SCLT1: variants seen among roughly 807,000 people sequenced by gnomAD.
The protein encoded by SCLT1 is sodium channel-associated protein 1.
SCLT1 carries 78 observed loss-of-function variants against 112.8 expected under a neutral mutation model. The ratio of observed to expected loss-of-function variants is 0.69; its 90% confidence interval spans 0.58 to 0.83. The LOEUF is 0.83. Ranked by LOEUF, SCLT1 falls within the 40% of genes least tolerant of loss-of-function variation. The probability of loss-of-function intolerance (pLI) is 0.00; values close to 1 mark genes in which losing one functional copy is unlikely to be tolerated. For missense variants in SCLT1, 747 were observed against 770.4 expected (o/e 0.97, Z 0.36); for synonymous variants, 257 against 254.7 (o/e 1.01, Z -0.09).
At chr4:128,938,160 A>T (rs1737368812) in intron 17 of SCLT1, among the ~76,000 whole-genome samples, 1 of 152,214 alleles carries the variant, frequency 6.6e-6, no homozygotes, top group African/African-American at 2.4e-5. Context: ...ACTTCTAGTA[A>T]TTCATTAAAT....
chr4:129,055,622 C>T (rs1181731528), intron 2 of SCLT1, among the ~76,000 whole-genome samples: 6 of 152,096 alleles, frequency 3.9e-5, no homozygotes, highest in African/African-American at 1.4e-4. Context: ...TGCCCCTCCC[C>T]CAACCAAGCT....
chr4:129,049,065 A>G (rs1440911955), intron 2 of SCLT1, among the ~76,000 whole-genome samples: 2 of 151,998 alleles, frequency 1.3e-5, no homozygotes, highest in Admixed American at 1.3e-4. Flanking sequence ...TGTGGAAGTC[A>G]GTGTGGCGAT....
chr4:129,006,766 G>A (rs1194000073), intron 5 of SCLT1, among the ~76,000 whole-genome samples: 1 of 151,990 alleles, frequency 6.6e-6, no homozygotes, highest in Non-Finnish European at 1.5e-5. Flanking sequence ...GTCTCTCACC[G>A]AGTGTGCTCT....
At chr4:129,027,984 T>G (rs1297613289) in intron 5 of SCLT1, among the ~76,000 whole-genome samples, 1 of 152,086 alleles carries the variant, frequency 6.6e-6, no homozygotes, top group East Asian at 1.9e-4. Context: ...GGGAAGGACC[T>G]CTTCAAGGAG....
chr4:128,960,488 T>G (rs1268297975), intron 11 of SCLT1, among the ~76,000 whole-genome samples: 1 of 152,188 alleles, frequency 6.6e-6, no homozygotes, highest in Non-Finnish European at 1.5e-5. Flanking sequence ...TCACTGTTAA[T>G]CTGTATTTCT....
intron 16 of SCLT1, among the ~76,000 whole-genome samples, chr4:128,945,192 G>T (rs1365606084): frequency 1.3e-5 from 2 of 152,028 alleles, no homozygotes; most frequent in Non-Finnish European, 2.9e-5. Flanking sequence ...ACAAATGCAG[G>T]AATGCTTTTA....
At chr4:128,997,463 G>C (rs1044008920) in intron 8 of SCLT1, among the ~76,000 whole-genome samples, 1 of 151,866 alleles carries the variant, frequency 6.6e-6, no homozygotes, top group Non-Finnish European at 1.5e-5. Flanking sequence ...GGAAATTTAG[G>C]AGTACCATAC....
intron 2 of SCLT1, among the ~76,000 whole-genome samples, chr4:129,074,948 G>T (rs1751333929): frequency 6.6e-6 from 1 of 152,066 alleles, no homozygotes; most frequent in South Asian, 2.1e-4. Context: ...TGATCCTCCT[G>T]CCACAGCCTC....
At position 128,946,164 on chromosome 4, in the gene SCLT1, G is replaced by T. The variant is rs889762194; in HGVS notation, c.1294-12C>A. On this transcript the variant is annotated splice_polypyrimidine_tract_variant and intron_variant, in intron 15 of 20. Transcript: ENST00000281142. ...CCTTCACGGTAAATCTGCAGAAAAG[G>T]CTTATTAGGTATATAATATTACAGA... is the stretch of plus-strand genomic sequence containing the variant. 6.4e-7 allele frequency: 1 copy of T among 1,574,584 alleles called. No homozygotes were observed. Among genetic ancestry groups the T allele is most frequent in the African/African-American group, 1.4e-5 (1 of 73,888 alleles).
At chr4:129,036,433 A>G (rs1747186852) in intron 5 of SCLT1, among the ~76,000 whole-genome samples, 1 of 152,080 alleles carries the variant, frequency 6.6e-6, no homozygotes. Context: ...AGCTTTATCT[A>G]AGTATATTGG....
chr4:129,021,759 T>C (rs950263008), intron 5 of SCLT1, among the ~76,000 whole-genome samples: 3 of 152,096 alleles, frequency 2.0e-5, no homozygotes, highest in Non-Finnish European at 4.4e-5. Flanking sequence ...TGCCTGCCGG[T>C]TGTGAAGAAA....
intron 18 of SCLT1, among the ~76,000 whole-genome samples, chr4:128,918,193 G>T (rs554211821): frequency 1.5e-4 from 23 of 152,188 alleles, no homozygotes; most frequent in African/African-American, 5.3e-4. Context: ...AATAGATAGA[G>T]AAACCAGATA....
At chr4:128,927,631 C>T (rs1031912052) in intron 18 of SCLT1, among the ~76,000 whole-genome samples, 8 of 150,408 alleles carry the variant, frequency 5.3e-5, no homozygotes, top group Admixed American at 3.3e-4. Flanking sequence ...TATATCAAAA[C>T]GTATACTAAA....
At chr4:128,996,517 ACTATGTT>A (rs1339214288) in intron 8 of SCLT1, among the ~76,000 whole-genome samples, 1 of 151,986 alleles carries the variant, frequency 6.6e-6, no homozygotes, top group Non-Finnish European at 1.5e-5. Flanking sequence ...TGCCCCCATA[ACTATGTT>A]CTGAATGCTC....
intron 14 of SCLT1, 128 bp from the exon 15 acceptor site, chr4:128,948,698 AAAAAC>A (rs1272416038): frequency 4.5e-6 from 3 of 669,888 alleles, no homozygotes; most frequent in African/African-American, 1.9e-5. Flanking sequence ...TATATTGATT[AAAAAC>A]AAAACAAAAC....
At chr4:129,036,127 T>C (rs1342367055) in intron 5 of SCLT1, among the ~76,000 whole-genome samples, 1 of 152,082 alleles carries the variant, frequency 6.6e-6, no homozygotes. Context: ...AAGTAGGATG[T>C]TTCTTAATGA....
downstream of SCLT1, among the ~76,000 whole-genome samples, chr4:128,883,154 C>CAAAA (rs1412985271): frequency 8.0e-5 from 3 of 37,470 alleles, no homozygotes; most frequent in Non-Finnish European, 1.3e-4. Flanking sequence ...ACAACAACAA[C>CAAAA]AACAAAAAAA....
chr4:129,035,882 T>C (rs1747137854), intron 5 of SCLT1, among the ~76,000 whole-genome samples: 1 of 151,920 alleles, frequency 6.6e-6, no homozygotes, highest in South Asian at 2.1e-4. Context: ...CTGAGTTTTA[T>C]AAAATGACTT....
chr4:128,892,511 A>G (rs1402201112), intron 18 of SCLT1, among the ~76,000 whole-genome samples: 1 of 152,190 alleles, frequency 6.6e-6, no homozygotes, highest in Non-Finnish European at 1.5e-5. Flanking sequence ...AAATAACTTC[A>G]GCTTTGATTT....
Sources: gnomAD v4.1 joint callset for allele counts (sites outside exome capture counted in the v4.1 genomes callset) on GRCh38, gnomAD v4.1.1 for gene constraint, MANE v1.5 for transcripts, NCBI Gene and HGNC (gene_info 2026-07-23, HGNC 2026-07-21) for gene names.